The following PKNOX2 variants were observed in gnomAD, a reference collection of about 807,000 sequenced individuals.
The protein encoded by PKNOX2 is PBX/knotted 1 homeobox 2.
Under a neutral mutation model 53.1 loss-of-function variants are expected in PKNOX2, and 14 were observed. The observed-to-expected ratio is 0.26, with a 90% confidence interval of 0.17 to 0.41. The LOEUF is 0.41. Among genes scored for constraint, PKNOX2 ranks in the 10% least tolerant of loss-of-function variants. PKNOX2 has a pLI of 1.00. For synonymous variants in PKNOX2, 257 were observed against 242.8 expected, an observed-to-expected ratio of 1.06 and a Z score of -0.54; for missense variants, 496 against 602.8, an observed-to-expected ratio of 0.82 and a Z score of 1.85.
At chr11:125,420,525 CA>C (rs35294408) in intron 10 of PKNOX2, among the ~76,000 whole-genome samples, 59,914 of 145,812 alleles carry the variant, frequency 0.41, 12,110 homozygotes, top group Middle Eastern at 0.51. Flanking sequence ...GACTCCATCT[CA>C]AAAAAAAAAA....
intron 3 of PKNOX2, among the ~76,000 whole-genome samples, chr11:125,333,059 C>T (rs966966081): frequency 2.6e-5 from 4 of 152,136 alleles, no homozygotes; most frequent in African/African-American, 9.7e-5. Flanking sequence ...GGGCGATGCC[C>T]GTTTCGGGGG....
intron 1 of PKNOX2, among the ~76,000 whole-genome samples, chr11:125,212,547 C>T (rs537670225): frequency 7.2e-4 from 108 of 150,562 alleles, no homozygotes; most frequent in African/African-American, 2.0e-3. Flanking sequence ...CTCCGCCTCC[C>T]GGGTTCAAGC....
chr11:125,257,671 T>G (rs1427545498), intron 2 of PKNOX2, among the ~76,000 whole-genome samples: 3 of 152,172 alleles, frequency 2.0e-5, no homozygotes, highest in Non-Finnish European at 4.4e-5. Flanking sequence ...GGGATGACGT[T>G]TTAGAACAGT....
At chr11:125,414,747 A>C (rs1421600369) in intron 10 of PKNOX2, among the ~76,000 whole-genome samples, 1 of 29,960 alleles carries the variant, frequency 3.3e-5, no homozygotes, top group Non-Finnish European at 7.4e-5. Flanking sequence ...TATTTCTTTG[A>C]AAAAAAAAAA....
Position 125,183,437 on chromosome 11 carries a change from C to T in PKNOX2, c.-201+18661C>T, listed in dbSNP as rs1280333951. The stretch of plus-strand genomic sequence containing the variant: ...TTCACCTTGTTAGCCAGGATGGTCT[C>T]GATCTCCTGACCTCATGATCCACCC... On this transcript the variant is annotated intron_variant, in intron 1 of 12. Coordinates refer to ENST00000298282, the MANE Select transcript of PKNOX2 (RefSeq NM_001382323.2). 3.4e-5 allele frequency among the ~76,000 whole-genome samples: 5 copies of T among 146,880 alleles called. 2 individuals carry two copies. Among genetic ancestry groups the T allele is most frequent in the African/African-American group, 1.3e-4 (5 of 39,662 alleles).
intron 1 of PKNOX2, among the ~76,000 whole-genome samples, chr11:125,176,640 C>A (rs892364937): frequency 6.6e-6 from 1 of 152,194 alleles, no homozygotes; most frequent in Non-Finnish European, 1.5e-5. Flanking sequence ...ACTCTAGTCA[C>A]CTTGGGCTGG....
intron 1 of PKNOX2, among the ~76,000 whole-genome samples, chr11:125,181,118 G>A (rs1956134669): frequency 6.6e-6 from 1 of 152,206 alleles, no homozygotes; most frequent in Non-Finnish European, 1.5e-5. Flanking sequence ...AACTTATTCA[G>A]TTCTCACTAT....
rs1225301949 is a variant in PKNOX2, at chr11:125,257,589, C to T, written c.-130+22474C>T. On this transcript the variant is annotated intron_variant, in intron 2 of 12. Transcript: ENST00000298282. ...ACATTGGGCAGTTAGTAACTTCTCT[C>T]AGCCTCAGTTTCCCTGCTGTAAAAA... is the stretch of plus-strand genomic sequence containing the variant. 3.9e-5 allele frequency among the ~76,000 whole-genome samples: 6 copies of T among 152,250 alleles called. 1 individual carries two copies. The highest frequency in any genetic ancestry group is 1.4e-4 in the African/African-American group (6 of 41,460).
intron 2 of PKNOX2, among the ~76,000 whole-genome samples, chr11:125,248,887 CATAT>C (rs1259357108): frequency 8.1e-6 from 1 of 123,556 alleles, no homozygotes; most frequent in Admixed American, 8.5e-5. Flanking sequence ...ATATATATAA[CATAT>C]ATAATATATA....
At chr11:125,353,951 G>A (rs1951458966) in intron 4 of PKNOX2, among the ~76,000 whole-genome samples, 1 of 152,130 alleles carries the variant, frequency 6.6e-6, no homozygotes, top group African/African-American at 2.4e-5. Context: ...GGAGCTGGGG[G>A]ATGCCCCCAG....
intron 2 of PKNOX2, among the ~76,000 whole-genome samples, chr11:125,311,510 CAGA>C (rs1948805385): frequency 6.6e-6 from 1 of 152,134 alleles, no homozygotes; most frequent in Non-Finnish European, 1.5e-5. Flanking sequence ...GAAAGCCCCC[CAGA>C]AGGAGAGCCC....
In PKNOX2 at chr11:125,183,463, G is replaced by A. The variant is rs534977805; in HGVS notation, c.-201+18687G>A. Reference sequence around the variant, plus strand: ...GATCTCCTGACCTCATGATCCACCCGCCTCGGCCTCCCAAAGGATGAATCC... The same window carrying A: ...GATCTCCTGACCTCATGATCCACCCACCTCGGCCTCCCAAAGGATGAATCC... On this transcript the variant is annotated intron_variant, in intron 1 of 12. Coordinates refer to ENST00000298282, the MANE Select transcript of PKNOX2 (RefSeq NM_001382323.2). Among the ~76,000 whole-genome samples, 132 of 54,346 alleles carry A rather than the reference G, an allele frequency of 2.4e-3. 32 individuals are homozygous for A. The highest frequency in any genetic ancestry group is 8.1e-3 in the African/African-American group (129 of 15,968). 35.7% of individuals were successfully genotyped at this position (54,346 alleles called of 152,430 possible). A position where few individuals can be genotyped will look rare whatever the true frequency, so the allele number is the denominator to read the frequency against.
At chr11:125,401,807 G>A (rs35141420) in intron 7 of PKNOX2, among the ~76,000 whole-genome samples, 19,843 of 151,900 alleles carry the variant, frequency 0.13, 1,551 homozygotes, top group Admixed American at 0.2. Flanking sequence ...GTGCACACGC[G>A]GGCACATGCA....
chr11:125,281,770 A>G (rs1946573474), intron 2 of PKNOX2, among the ~76,000 whole-genome samples: 1 of 152,220 alleles, frequency 6.6e-6, no homozygotes, highest in Non-Finnish European at 1.5e-5. Context: ...AGCAATTTCT[A>G]GCTCTAATCC....
At position 125,171,903 on chromosome 11, in the gene PKNOX2, G is replaced by A. The variant is rs187010740; in HGVS notation, c.-201+7127G>A. Reference sequence around the variant, plus strand: ...GAGGGCACATACAATACACAGACCTGAGAGATGATGGACAGAGAGGTGACG... The same window carrying A: ...GAGGGCACATACAATACACAGACCTAAGAGATGATGGACAGAGAGGTGACG... On this transcript the variant is annotated intron_variant, in intron 1 of 12. Transcript: ENST00000298282. 2.0e-4 allele frequency among the ~76,000 whole-genome samples: 31 copies of A among 152,300 alleles called. 1 individual carries two copies. The highest frequency in any genetic ancestry group is 1.0e-3 in the Admixed American group (16 of 15,298).
Position 125,237,367 on chromosome 11 carries a change from G to A in PKNOX2, c.-130+2252G>A, listed in dbSNP as rs142189274. Among the ~76,000 whole-genome samples, 91 of 152,322 alleles carry A rather than the reference G, an allele frequency of 6.0e-4. No homozygotes were observed. The East Asian group carries it at 0.017, about 29-fold the overall frequency. The stretch of plus-strand genomic sequence containing the variant: ...AGGTCCACCTAGGTTTAAGAGAAGG[G>A]AACATAAATACCCCCCTTCTCCATC... On this transcript the variant is annotated intron_variant, in intron 2 of 12. Transcript: ENST00000298282.
At chr11:125,303,779 G>A (rs79021812) in intron 2 of PKNOX2, among the ~76,000 whole-genome samples, 3 of 152,286 alleles carry the variant, frequency 2.0e-5, no homozygotes, top group Non-Finnish European at 2.9e-5. Flanking sequence ...AAAAAAGAGG[G>A]CACTCCCCCT....
intron 2 of PKNOX2, among the ~76,000 whole-genome samples, chr11:125,265,377 C>T (rs1304908751): frequency 1.3e-5 from 2 of 152,162 alleles, no homozygotes; most frequent in Non-Finnish European, 2.9e-5. Context: ...AGCTGATTTC[C>T]GATTCAATGA....
chr11:125,295,219 C>A (rs979474212), intron 2 of PKNOX2, among the ~76,000 whole-genome samples: 1 of 152,114 alleles, frequency 6.6e-6, no homozygotes, highest in Non-Finnish European at 1.5e-5. Flanking sequence ...CCGTGATGCC[C>A]CTGACAACAA....
Sources: allele counts gnomAD v4.1 joint callset (sites outside exome capture counted in the v4.1 genomes callset), GRCh38; gene constraint gnomAD v4.1.1; transcripts MANE v1.5; gene names NCBI Gene and HGNC (gene_info 2026-07-23, HGNC 2026-07-21).